The following ITGA9 variants were observed in gnomAD, a reference collection of about 807,000 sequenced individuals.
The protein encoded by ITGA9 is integrin subunit alpha 9.
ITGA9 carries 56 observed loss-of-function variants against 127.8 expected under a neutral mutation model. That is an observed-to-expected ratio of 0.44 (90% CI 0.35 to 0.55). The LOEUF is 0.55. Ranked by LOEUF, ITGA9 falls within the 20% of genes least tolerant of loss-of-function variation. ITGA9 has a pLI of 0.00. For synonymous variants in ITGA9, 508 were observed against 514.5 expected, an observed-to-expected ratio of 0.99 and a Z score of 0.17; for missense variants, 1,196 against 1,347.1, an observed-to-expected ratio of 0.89 and a Z score of 1.76.
intron 23 of ITGA9, among the ~76,000 whole-genome samples, chr3:37,758,523 G>A (rs1696683678): frequency 6.6e-6 from 1 of 150,844 alleles, no homozygotes. Flanking sequence ...ATCTTGATAA[G>A]GGTTTCTAAA....
intron 27 of ITGA9, 183 bp from the exon 28 acceptor site, chr3:37,818,707 AT>A (rs1291625599): frequency 1.0e-4 from 66 of 641,480 alleles, no homozygotes; most frequent in Non-Finnish European, 1.6e-4. Flanking sequence ...AAGTCCATGC[AT>A]TTTGAAAAAT....
At chr3:37,747,432 T>G (rs1340078685) in intron 22 of ITGA9, among the ~76,000 whole-genome samples, 3 of 152,214 alleles carry the variant, frequency 2.0e-5, no homozygotes, top group Non-Finnish European at 4.4e-5. Context: ...TAAAATGTAC[T>G]ATTAAATTAT....
At chr3:37,787,139 G>T (rs947943140) in intron 26 of ITGA9, among the ~76,000 whole-genome samples, 6 of 152,198 alleles carry the variant, frequency 3.9e-5, no homozygotes, top group African/African-American at 1.4e-4. Flanking sequence ...CCTGCTCATT[G>T]TCATAGTTCT....
intron 8 of ITGA9, among the ~76,000 whole-genome samples, chr3:37,510,002 A>G (rs963635719): frequency 6.0e-5 from 9 of 151,194 alleles, no homozygotes; most frequent in Non-Finnish European, 1.2e-4. Flanking sequence ...CCTGGGTTTG[A>G]AAGCCTAAAG....
rs561845214 is a variant in ITGA9 at position 37,777,590 on chromosome 3, T to G, written c.2667+73T>G. On this transcript the variant is annotated intron_variant, in intron 24 of 27. Coordinates refer to ENST00000264741, the MANE Select transcript of ITGA9 (RefSeq NM_002207.3). ...GAAGACACCAGTTTTCTATTTGATA[T>G]TTATTATTTCCTAAATCTGGTTTTA... 3.3e-6 allele frequency: 5 copies of G among 1,532,254 alleles called. No homozygotes were observed. The African/African-American group carries it at 6.8e-5, about 21-fold the overall frequency. 94.9% of individuals were successfully genotyped at this position (1,532,254 alleles called of 1,614,324 possible).
intron 19 of ITGA9, among the ~76,000 whole-genome samples, chr3:37,735,271 G>A (rs1008049849): frequency 2.0e-5 from 3 of 152,136 alleles, no homozygotes; most frequent in Non-Finnish European, 4.4e-5. Flanking sequence ...CTCTACACCA[G>A]TCAAGACCCT....
chr3:37,596,446 C>T (rs962700983), intron 15 of ITGA9, among the ~76,000 whole-genome samples: 6 of 152,152 alleles, frequency 3.9e-5, no homozygotes, highest in African/African-American at 1.4e-4. Context: ...AAAGGGTGTT[C>T]TTCCTCCAGC....
intron 18 of ITGA9, among the ~76,000 whole-genome samples, chr3:37,698,885 T>A (rs1320388471): frequency 6.6e-6 from 1 of 152,212 alleles, no homozygotes; most frequent in African/African-American, 2.4e-5. Context: ...TAATTGTGTT[T>A]CTTTGTGATT....
chr3:37,654,321 T>C (rs1700457036), intron 17 of ITGA9, among the ~76,000 whole-genome samples: 3 of 152,114 alleles, frequency 2.0e-5, no homozygotes, highest in African/African-American at 7.2e-5. Flanking sequence ...GCAGATAGTC[T>C]CCTTATTGTT....
At chr3:37,670,682 T>C (rs1191429292) in intron 17 of ITGA9, among the ~76,000 whole-genome samples, 1 of 152,232 alleles carries the variant, frequency 6.6e-6, no homozygotes, top group East Asian at 1.9e-4. Flanking sequence ...TAGATTTACC[T>C]CCAGATCTTT....
Position 37,804,052 on chromosome 3 carries a change from G to A in ITGA9, c.3009+110G>A, listed in dbSNP as rs969158176. ...CTGTTAGAGCTTCCTTCATGGCACC[G>A]GTACAGTGAAGGACAGTGACCCTTC... On this transcript the variant is annotated intron_variant, in intron 27 of 27. Coordinates refer to ENST00000264741, the MANE Select transcript of ITGA9 (RefSeq NM_002207.3). 56 of 1,519,848 alleles carry A rather than the reference G, an allele frequency of 3.7e-5. No individual in the cohort carries two copies. In the African/African-American group the frequency reaches 5.3e-4, roughly 15 times the overall value. 94.1% of individuals were successfully genotyped at this position (1,519,848 alleles called of 1,614,324 possible).
chr3:37,513,661 C>T (rs1394454361), intron 8 of ITGA9, 102 bp from the exon 9 acceptor site: 2 of 1,372,136 alleles, frequency 1.5e-6, no homozygotes, highest in Non-Finnish European at 2.0e-6. Context: ...TGTTCAATTC[C>T]TCTGAGGGAT....
chr3:37,548,325 A>T (rs953487206), intron 15 of ITGA9, among the ~76,000 whole-genome samples: 2 of 152,142 alleles, frequency 1.3e-5, no homozygotes, highest in African/African-American at 4.8e-5. Context: ...ATTGACTTCA[A>T]AGAGGGATGA....
intron 15 of ITGA9, among the ~76,000 whole-genome samples, chr3:37,550,902 G>A (rs1699372080): frequency 6.6e-6 from 1 of 152,150 alleles, no homozygotes; most frequent in African/African-American, 2.4e-5. Context: ...GATTCACAAG[G>A]TACAGGTGCT....
At chr3:37,515,124 A>C (rs1334364207) in intron 9 of ITGA9, among the ~76,000 whole-genome samples, 1 of 152,188 alleles carries the variant, frequency 6.6e-6, no homozygotes, top group Non-Finnish European at 1.5e-5. Flanking sequence ...CTTTTCTCTA[A>C]CATGAGAAAA....
At chr3:37,599,901 A>C (rs187619408) in intron 15 of ITGA9, among the ~76,000 whole-genome samples, 46 of 152,300 alleles carry the variant, frequency 3.0e-4, no homozygotes, top group Admixed American at 1.1e-3. Context: ...CCCTTCCCTG[A>C]GGCAGTAGGG....
rs554087930 is a variant in ITGA9 at position 37,662,764 on chromosome 3, TAC to T, written c.1916+8975_1916+8976del. 3.6e-3 allele frequency among the ~76,000 whole-genome samples: 551 copies of T among 152,328 alleles called. 1 individual carries two copies. Among genetic ancestry groups the T allele is most frequent in the Middle Eastern group, 0.024 (7 of 294 alleles). Reference sequence around the variant, plus strand: ...TTAGCTCTCCTGTTAGCCGTGACCTTACTCACTGTACGAAAAGTCGAAGCAAA... The same window carrying T: ...TTAGCTCTCCTGTTAGCCGTGACCTTTCACTGTACGAAAAGTCGAAGCAAA... On this transcript the variant is annotated intron_variant, in intron 17 of 27. Transcript: ENST00000264741.
chr3:37,803,744 A>G (rs537454861), intron 26 of ITGA9, 79 bp from the exon 27 acceptor site: 15 of 1,561,360 alleles, frequency 9.6e-6, no homozygotes, highest in South Asian at 7.9e-5. Context: ...ATTGCACTCC[A>G]GCCTGGGTGA....
chr3:37,804,177 A>C (rs1205924389), intron 27 of ITGA9, among the ~76,000 whole-genome samples: 2 of 152,134 alleles, frequency 1.3e-5, no homozygotes, highest in Non-Finnish European at 2.9e-5. Flanking sequence ...CTCTTCTCTT[A>C]CCTTCCCTTA....
Sources: allele counts gnomAD v4.1 joint callset (sites outside exome capture counted in the v4.1 genomes callset), GRCh38; gene constraint gnomAD v4.1.1; transcripts MANE v1.5; gene names NCBI Gene and HGNC (gene_info 2026-07-23, HGNC 2026-07-21).